ZNF84: variants seen among roughly 807,000 people sequenced by gnomAD.
ZNF84 encodes the protein zinc finger protein HPF2.
ZNF84 carries 12 observed loss-of-function variants against 14.8 expected under a neutral mutation model. That is an observed-to-expected ratio of 0.81 (90% CI 0.52 to 1.31). The LOEUF is 1.31. ZNF84 is among the 50% of genes most tolerant of loss of function. ZNF84 has a pLI of 0.00. For missense variants in ZNF84, 859 were observed against 878.6 expected, an observed-to-expected ratio of 0.98 and a Z score of 0.28; for synonymous variants, 347 against 291.1, an observed-to-expected ratio of 1.19 and a Z score of -1.96.
intron 4 of ZNF84, among the ~76,000 whole-genome samples, chr12:133,050,744 C>T (rs909089720): frequency 5.9e-5 from 9 of 152,328 alleles, no homozygotes; most frequent in Non-Finnish European, 2.9e-5. Context: ...ACTACCCCAT[C>T]CTACATTTTT....
At position 133,059,165 on chromosome 12, in the gene ZNF84, A is replaced by C; in HGVS notation, c.*233A>C. 2.3e-6 allele frequency: 1 copy of C among 435,126 alleles called. No homozygotes were observed. The highest frequency in any genetic ancestry group is 4.0e-6 in the Non-Finnish European group (1 of 247,810). 27.0% of individuals were successfully genotyped at this position (435,126 alleles called of 1,614,324 possible). The stretch of plus-strand genomic sequence containing the variant: ...ATAGACAAGCCTTATAGAGTAGAAC[A>C]TTCACAGCAAAGAAGAATCCTGTGA... On this transcript the variant is annotated 3_prime_UTR_variant, in exon 5 of 5. Coordinates refer to ENST00000539354, the MANE Select transcript of ZNF84 (RefSeq NM_001289971.2).
chr12:133,048,610 C>T (rs978584609), intron 3 of ZNF84, 143 bp from the exon 4 acceptor site: 7 of 578,880 alleles, frequency 1.2e-5, no homozygotes, highest in Non-Finnish European at 2.2e-5. Flanking sequence ...CCAAGGGAGA[C>T]CGTTACTGTA....
At chr12:133,053,028 G>T (rs906855091) in intron 4 of ZNF84, among the ~76,000 whole-genome samples, 29 of 152,282 alleles carry the variant, frequency 1.9e-4, no homozygotes, top group African/African-American at 6.7e-4. Flanking sequence ...CAATACAAAG[G>T]ACTTATAATT....
intron 2 of ZNF84, among the ~76,000 whole-genome samples, chr12:133,046,347 G>GT (rs58214468): frequency 1.3e-4 from 15 of 116,396 alleles, no homozygotes; most frequent in African/African-American, 4.0e-4. Context: ...AGTCCTCACA[G>GT]TTTTTTTTTT....
Position 133,062,770 on chromosome 12 carries a change from C to T in ZNF84, c.*3838C>T. On this transcript the variant is annotated 3_prime_UTR_variant, in exon 5 of 5. Transcript: ENST00000539354. Reference sequence around the variant, plus strand: ...GGTATGTAAGGACTTTTGTATAAACCAATGCCTATCTATCTATCATTTCTG... The same window carrying T: ...GGTATGTAAGGACTTTTGTATAAACTAATGCCTATCTATCTATCATTTCTG... The T allele has an allele frequency of 3.1e-6, 1 of 323,964 alleles. No homozygotes were observed. The highest frequency in any genetic ancestry group is 5.8e-5 in the East Asian group (1 of 17,280). 20.1% of individuals were successfully genotyped at this position (323,964 alleles called of 1,614,324 possible).
At chr12:133,056,837 C>T in intron 4 of ZNF84, 117 bp from the exon 5 acceptor site, 1 of 759,918 alleles carries the variant, frequency 1.3e-6, no homozygotes, top group Non-Finnish European at 2.1e-6. Context: ...TTATTTCAGA[C>T]TCGGAAACTA....
chr12:133,059,003 A>T lies in ZNF84; in HGVS notation c.*71A>T, dbSNP rs959325248. ...GAAATGCAATTATGATAACGTTTGT[A>T]GACAGTCACGTCATGTTAGGTGTTT... On this transcript the variant is annotated 3_prime_UTR_variant, in exon 5 of 5. Coordinates refer to ENST00000539354, the MANE Select transcript of ZNF84 (RefSeq NM_001289971.2). 90 of 1,433,840 alleles carry T rather than the reference A, an allele frequency of 6.3e-5. No homozygotes were observed. The highest frequency in any genetic ancestry group is 8.2e-5 in the Non-Finnish European group (88 of 1,067,570). The allele number at this position is 1,433,840 out of a possible 1,614,324, so 88.8% of individuals were successfully genotyped here.
At chr12:133,040,569 C>CAAAAAAAAAAA (rs4061955) in intron 1 of ZNF84, 1 of 91,066 alleles carries the variant, frequency 1.1e-5, no homozygotes, top group African/African-American at 4.0e-5. Flanking sequence ...AAGACCGTAC[C>CAAAAAAAAAAA]AAAAAAAAAA....
intron 2 of ZNF84, among the ~76,000 whole-genome samples, chr12:133,044,716 C>T (rs1953947365): frequency 6.6e-6 from 1 of 151,496 alleles, no homozygotes; most frequent in Admixed American, 6.6e-5. Flanking sequence ...GAGATTGAGA[C>T]CATCCTGGCC....
intron 4 of ZNF84, among the ~76,000 whole-genome samples, chr12:133,054,519 G>T (rs1188865765): frequency 6.6e-6 from 1 of 152,074 alleles, no homozygotes; most frequent in Non-Finnish European, 1.5e-5. Context: ...TGGGTCTTGG[G>T]ATAGTTTTAG....
intron 4 of ZNF84, among the ~76,000 whole-genome samples, chr12:133,051,796 G>A (rs1384383136): frequency 4.6e-5 from 7 of 152,092 alleles, no homozygotes; most frequent in Admixed American, 3.3e-4. Flanking sequence ...TAGTAGGGAC[G>A]TTCCTGAAAC....
intron 1 of ZNF84, among the ~76,000 whole-genome samples, chr12:133,039,845 G>A (rs1193017689): frequency 1.3e-5 from 2 of 149,158 alleles, no homozygotes; most frequent in East Asian, 3.9e-4. Context: ...ACACACTGTT[G>A]GTTTGGATTT....
chr12:133,047,717 C>T (rs1954006493), intron 2 of ZNF84: 1 of 354,580 alleles, frequency 2.8e-6, no homozygotes, highest in Non-Finnish European at 5.4e-6. Context: ...ACTCTGTTCC[C>T]AAACAAACAT....
Position 133,061,724 on chromosome 12 carries a change from A to G in ZNF84, c.*2792A>G, listed in dbSNP as rs1238452346. On this transcript the variant is annotated 3_prime_UTR_variant, in exon 5 of 5. Transcript: ENST00000539354. ...TCCTACACTAGATAATGGAACTTCA[A>G]CATTAGCCTATTGATTGCCCAAGAA... 6.6e-6 allele frequency: 1 copy of G among 152,194 alleles called. No individual in the cohort carries two copies. Among genetic ancestry groups the G allele is most frequent in the Non-Finnish European group, 1.5e-5 (1 of 68,032 alleles). The allele number at this position is 152,194 out of a possible 1,614,324, so 9.4% of individuals were successfully genotyped here.
chr12:133,058,919 TAAA>T lies in ZNF84; in HGVS notation c.2209_2211del (p.Lys737del). 1 of 1,597,332 alleles carries T rather than the reference TAAA, an allele frequency of 6.3e-7. No homozygotes were observed. The highest frequency in any genetic ancestry group is 8.5e-7 in the Non-Finnish European group (1 of 1,173,360). On this transcript the variant is annotated inframe_deletion, in exon 5 of 5. Transcript: ENST00000539354. ...ATCAATCATCAGAGAACTCATACAG[TAAA>T]AAAATCCTAGGAATACAGTTAATAG...
chr12:133,055,345 AT>A (rs148048451), intron 4 of ZNF84, among the ~76,000 whole-genome samples: 2,345 of 152,276 alleles, frequency 0.015, 52 homozygotes, highest in African/African-American at 0.053. Flanking sequence ...TAACAAAAAA[AT>A]TAAATCTTTT....
chr12:133,045,967 A>AAGTG (rs1953971999), intron 2 of ZNF84, among the ~76,000 whole-genome samples: 1 of 151,706 alleles, frequency 6.6e-6, no homozygotes, highest in Non-Finnish European at 1.5e-5. Context: ...GTCTGTTCAA[A>AAGTG]ACAGTTTCTG....
At position 133,057,040 on chromosome 12, in the gene ZNF84, G is replaced by A; in HGVS notation, c.325G>A (p.Ala109Thr). ...TATAAAAAGAGGTCATGAATGTGAT[G>A]CATTTGGAAAAAATTTCAATCTGAA... is the stretch of plus-strand genomic sequence containing the variant. Reference protein sequence around the residue: ...KIIKRGHECDAFGKNFNLNMN... With the variant: ...KIIKRGHECDTFGKNFNLNMN... The change falls in exon 5 of 5, where the codon GCA (alanine) becomes ACA (threonine). Residue 109 changes from alanine to threonine, a missense_variant. By Grantham distance (58) the Ala-to-Thr change is moderately conservative (BLOSUM62 0). Coordinates refer to ENST00000539354, the MANE Select transcript of ZNF84 (RefSeq NM_001289971.2). 6.2e-7 allele frequency: 1 copy of A among 1,613,116 alleles called. No individual in the cohort carries two copies. Among genetic ancestry groups the A allele is most frequent in the South Asian group, 1.1e-5 (1 of 90,650 alleles).
chr12:133,046,362 T>G (rs1321061750), intron 2 of ZNF84, among the ~76,000 whole-genome samples: 36 of 29,762 alleles, frequency 1.2e-3, no homozygotes, highest in Non-Finnish European at 2.3e-3. Context: ...TTTTTTTTTT[T>G]TTTTTTTTTT....
Sources: gnomAD v4.1 joint callset for allele counts (sites outside exome capture counted in the v4.1 genomes callset) on GRCh38, gnomAD v4.1.1 for gene constraint, MANE v1.5 for transcripts, NCBI Gene and HGNC (gene_info 2026-07-23, HGNC 2026-07-21) for gene names.